The following IGLL5 variants were observed in gnomAD, a reference collection of about 807,000 sequenced individuals.
The protein encoded by IGLL5 is immunoglobulin lambda-like polypeptide 5.
IGLL5 carries 30 observed loss-of-function variants against 20.9 expected under a neutral mutation model. The observed-to-expected ratio is 1.44, with a 90% CI of 1.07 to 1.95. IGLL5 has a LOEUF of 1.95. IGLL5 is among the 30% of genes most tolerant of loss of function. The pLI is 0.00. For synonymous variants in IGLL5, 203 were observed against 117.3 expected (o/e 1.73, Z -4.72); for missense variants, 475 against 270.7 (o/e 1.75, Z -5.30).
At chr22:22,889,111 A>G (rs1601606336) in intron 1 of IGLL5, among the ~76,000 whole-genome samples, 3 of 151,198 alleles carry the variant, frequency 2.0e-5, no homozygotes, top group Admixed American at 6.6e-5. Context: ...GTGTTTTTGG[A>G]AAAATCAGCA....
At chr22:22,889,669 C>T (rs2067743797) in intron 1 of IGLL5, among the ~76,000 whole-genome samples, 1 of 151,368 alleles carries the variant, frequency 6.6e-6, no homozygotes, top group African/African-American at 2.4e-5. Context: ...CTCACTGCAG[C>T]CTCAACCTCC....
intron 1 of IGLL5, among the ~76,000 whole-genome samples, chr22:22,888,866 G>C: frequency 6.6e-6 from 1 of 151,428 alleles, no homozygotes; most frequent in South Asian, 2.1e-4. Flanking sequence ...AGGGAGAGGG[G>C]ATCTCCCTCT....
At chr22:22,894,971 A>C (rs2066712722) in intron 2 of IGLL5, among the ~76,000 whole-genome samples, 1 of 151,312 alleles carries the variant, frequency 6.6e-6, no homozygotes, top group Admixed American at 6.6e-5. Context: ...CAGTTCACGG[A>C]GGAGGCTCTA....
chr22:22,894,853 G>A (rs961839259), intron 2 of IGLL5, among the ~76,000 whole-genome samples: 3 of 151,356 alleles, frequency 2.0e-5, no homozygotes, highest in Non-Finnish European at 4.4e-5. Context: ...GCTGGGCTGG[G>A]GCAGAGCCCG....
intron 2 of IGLL5, among the ~76,000 whole-genome samples, chr22:22,894,398 T>TG: frequency 6.6e-6 from 1 of 151,320 alleles, no homozygotes; most frequent in South Asian, 2.1e-4. Context: ...CATGAGGACA[T>TG]GGGGACACAG....
intron 1 of IGLL5, among the ~76,000 whole-genome samples, 185 bp downstream of exon 1, chr22:22,888,444 T>TA (rs2067598566): frequency 6.6e-6 from 1 of 151,368 alleles, no homozygotes; most frequent in Admixed American, 6.6e-5. Context: ...TTACTGTTTT[T>TA]AATATCATAT....
chr22:22,894,389 ATG>A, intron 2 of IGLL5, among the ~76,000 whole-genome samples: 1 of 151,448 alleles, frequency 6.6e-6, no homozygotes, highest in African/African-American at 2.4e-5. Context: ...GTGCTGGGTC[ATG>A]AGGACATGGG....
chr22:22,893,294 C>G (rs2067905667), intron 1 of IGLL5, among the ~76,000 whole-genome samples: 1 of 151,150 alleles, frequency 6.6e-6, no homozygotes, highest in African/African-American at 2.4e-5. Context: ...GGGTAGAAAG[C>G]AGAGGAATCT....
At position 22,887,995 on chromosome 22, in the gene IGLL5, G is replaced by A. The variant is rs1191661649; in HGVS notation, c.-59G>A. 109 of 1,372,280 alleles carry A rather than the reference G, an allele frequency of 7.9e-5. No homozygotes were observed. The highest frequency in any genetic ancestry group is 6.2e-4 in the South Asian group (50 of 80,310). The allele number at this position is 1,372,280 out of a possible 1,614,324, so 85.0% of individuals were successfully genotyped here. ...TGCTGGCGAGAGGGACCAGGGCACC[G>A]TCCTCCAGGGAGCCCATGCTGCAAG... is the stretch of plus-strand genomic sequence containing the variant. On this transcript the variant is annotated 5_prime_UTR_variant, in exon 1 of 3. Coordinates refer to ENST00000526893, the MANE Select transcript of IGLL5 (RefSeq NM_001178126.2).
At position 22,895,087 on chromosome 22, in the gene IGLL5, G is replaced by C. The variant is rs2146050696; in HGVS notation, c.326-288G>C. Among the ~76,000 whole-genome samples the C allele has an allele frequency of 2.0e-5, 3 of 151,478 alleles. 1 individual carries two copies. The highest frequency in any genetic ancestry group is 4.0e-4 in the East Asian group (2 of 4,990). ...AACTCAGACTCCAGAGATCAGAGAAGAAGGAACACAGCCTGCCCTGGGTAT... is the reference window on the plus strand; with the variant it reads ...AACTCAGACTCCAGAGATCAGAGAACAAGGAACACAGCCTGCCCTGGGTAT... On this transcript the variant is annotated intron_variant, in intron 2 of 2. Transcript: ENST00000526893.
At chr22:22,888,320 C>A (rs182891015) in intron 1 of IGLL5, 61 bp downstream of exon 1, 1 of 1,487,890 alleles carries the variant, frequency 6.7e-7, no homozygotes, top group Non-Finnish European at 9.1e-7. Flanking sequence ...GAAAGGGTGA[C>A]CAAGGGGAGA....
intron 1 of IGLL5, among the ~76,000 whole-genome samples, chr22:22,889,275 A>G (rs149347886): frequency 3.3e-5 from 5 of 150,986 alleles, no homozygotes; most frequent in South Asian, 2.1e-4. Flanking sequence ...TTTCCTATGA[A>G]ATGGGAGCAT....
chr22:22,893,930 C>T (rs2067950498), intron 2 of IGLL5, 112 bp downstream of exon 2: 5 of 800,026 alleles, frequency 6.2e-6, no homozygotes, highest in Admixed American at 3.7e-5. Flanking sequence ...TAAGCACTGA[C>T]CCTTACCTTT....
chr22:22,894,254 C>T (rs552607753), intron 2 of IGLL5, among the ~76,000 whole-genome samples: 1 of 150,250 alleles, frequency 6.7e-6, no homozygotes, highest in Non-Finnish European at 1.5e-5. Flanking sequence ...AGGGTCTAGG[C>T]TGAGGACTGG....
At position 22,895,668 on chromosome 22, in the gene IGLL5, A is replaced by G; in HGVS notation, c.619A>G (p.Thr207Ala). The G allele has an allele frequency of 8.1e-6, 13 of 1,613,250 alleles. No homozygotes were observed. Among genetic ancestry groups the G allele is most frequent in the Non-Finnish European group, 1.1e-5 (13 of 1,179,736 alleles). Residue 207 changes from threonine to alanine, a missense_variant, in exon 3 of 3, where the codon ACA (threonine) becomes GCA (alanine). Coordinates refer to ENST00000526893, the MANE Select transcript of IGLL5 (RefSeq NM_001178126.2). The stretch of plus-strand genomic sequence containing the variant: ...GCATGAAGGGAGCACCGTGGAGAAG[A>G]CAGTGGCCCCTACAGAATGTTCATA... ...VTHEGSTVEK[T>A]VAPTECS
Position 22,896,012 on chromosome 22 carries a change from T to G in IGLL5, c.*318T>G. ...CTCCCAGTCACCCCTTCTCCAACTCTCCACTGTACCCCTGAGCTACCAGTC... is the reference window on the plus strand; with the variant it reads ...CTCCCAGTCACCCCTTCTCCAACTCGCCACTGTACCCCTGAGCTACCAGTC... On this transcript the variant is annotated 3_prime_UTR_variant, in exon 3 of 3. Coordinates refer to ENST00000526893, the MANE Select transcript of IGLL5 (RefSeq NM_001178126.2). 1 of 518,314 alleles carries G rather than the reference T, an allele frequency of 1.9e-6. No homozygotes were observed. The highest frequency in any genetic ancestry group is 3.5e-5 in the East Asian group (1 of 28,374). 32.1% of individuals were successfully genotyped at this position (518,314 alleles called of 1,614,324 possible).
chr22:22,894,057 T>C (rs2067974505), intron 2 of IGLL5, among the ~76,000 whole-genome samples: 2 of 151,278 alleles, frequency 1.3e-5, no homozygotes, highest in African/African-American at 2.4e-5. Flanking sequence ...TTGGGCAGGG[T>C]CAGGGCTCCT....
intron 1 of IGLL5, among the ~76,000 whole-genome samples, chr22:22,889,080 T>C (rs534139231): frequency 4.6e-5 from 7 of 151,214 alleles, no homozygotes; most frequent in East Asian, 2.0e-4. Flanking sequence ...TTTAGGTAGA[T>C]TGATTATCAG....
intron 2 of IGLL5, among the ~76,000 whole-genome samples, chr22:22,894,829 G>C (rs2066700470): frequency 6.6e-6 from 1 of 151,382 alleles, no homozygotes; most frequent in African/African-American, 2.4e-5. Flanking sequence ...CTCCTTGCCA[G>C]GAGAGCCAAG....
Sources: allele counts gnomAD v4.1 joint callset (sites outside exome capture counted in the v4.1 genomes callset), GRCh38; gene constraint gnomAD v4.1.1; transcripts MANE v1.5; gene names NCBI Gene and HGNC (gene_info 2026-07-23, HGNC 2026-07-21).